BCCIP: variants seen among roughly 807,000 people sequenced by gnomAD.
BCCIP encodes the protein BRCA2 and CDKN1A-interacting protein.
Under a neutral mutation model 32.8 loss-of-function variants are expected in BCCIP, and 23 were observed. The observed-to-expected ratio is 0.70, with a 90% CI of 0.51 to 0.99. The LOEUF is 0.99. Among genes scored for constraint, BCCIP ranks in the 50% least tolerant of loss-of-function variants. The pLI is 0.00. For synonymous variants in BCCIP, 144 were observed against 137.6 expected (o/e 1.05, Z -0.33); for missense variants, 378 against 379.8 (o/e 1.00, Z 0.04).
chr10:125,851,826 TGGGA>T (rs1321702799), intron 7 of BCCIP, among the ~76,000 whole-genome samples: 1 of 145,518 alleles, frequency 6.9e-6, no homozygotes, highest in Non-Finnish European at 1.5e-5. Flanking sequence ...GAAGCTGTGG[TGGGA>T]GGATCACTTG....
downstream of BCCIP, chr10:125,838,343 T>C (rs1854765937): frequency 6.2e-7 from 1 of 1,612,236 alleles, no homozygotes; most frequent in African/African-American, 1.3e-5. Context: ...CCTGCTTATG[T>C]GTCAGCATTA....
intron 3 of BCCIP, among the ~76,000 whole-genome samples, chr10:125,828,911 C>T (rs994544129): frequency 2.0e-5 from 3 of 152,178 alleles, no homozygotes; most frequent in African/African-American, 7.2e-5. Context: ...GGGAGCTTAG[C>T]TGGGACTCTG....
chr10:125,848,434 T>G (rs1022417649), intron 7 of BCCIP, among the ~76,000 whole-genome samples: 7 of 152,166 alleles, frequency 4.6e-5, no homozygotes, highest in African/African-American at 1.4e-4. Flanking sequence ...ATTTTACAGA[T>G]GAGAAAAAGA....
In BCCIP at chr10:125,836,230, A is replaced by T; in HGVS notation, c.901A>T (p.Met301Leu). ...RTVMLIPGDKMNEIMDKLKEY... is the reference protein window; with the variant it reads ...RTVMLIPGDKLNEIMDKLKEY... ...TGTGATGTTAATTCCAGGCGACAAGATGAACGAAATCATGGATAAACTGAA... is the reference window on the plus strand; with the variant it reads ...TGTGATGTTAATTCCAGGCGACAAGTTGAACGAAATCATGGATAAACTGAA... The change falls in exon 7 of 7, where the codon ATG (methionine) becomes TTG (leucine). Residue 301 changes from methionine to leucine, a missense_variant. Coordinates refer to ENST00000278100, the MANE Select transcript of BCCIP (RefSeq NM_078468.3). The T allele has an allele frequency of 1.2e-6, 2 of 1,614,200 alleles. No homozygotes were observed. Among genetic ancestry groups the T allele is most frequent in the African/African-American group, 2.7e-5 (2 of 75,056 alleles).
At chr10:125,839,456 G>C (rs1854807605), downstream of BCCIP, among the ~76,000 whole-genome samples, 1 of 151,896 alleles carries the variant, frequency 6.6e-6, no homozygotes, top group Admixed American at 6.6e-5. Flanking sequence ...TGTGGAAACT[G>C]TTCCTAGTGG....
At chr10:125,838,698 T>C (rs1439941040), downstream of BCCIP, among the ~76,000 whole-genome samples, 2 of 152,110 alleles carry the variant, frequency 1.3e-5, no homozygotes, top group Non-Finnish European at 2.9e-5. Context: ...CGACATACAC[T>C]CCAATGCCAA....
At chr10:125,827,459 A>C in intron 2 of BCCIP, 99 bp from the exon 3 acceptor site, 2 of 800,148 alleles carry the variant, frequency 2.5e-6, no homozygotes, top group Non-Finnish European at 3.9e-6. Flanking sequence ...CATCATCTTA[A>C]GTCACAGAAA....
At chr10:125,827,992 A>C in intron 3 of BCCIP, among the ~76,000 whole-genome samples, 1 of 136,848 alleles carries the variant, frequency 7.3e-6, no homozygotes, top group South Asian at 2.5e-4. Context: ...AAAAAAAAAA[A>C]GTTCTTTATT....
intron 3 of BCCIP, among the ~76,000 whole-genome samples, chr10:125,829,454 A>G (rs1281699861): frequency 6.6e-6 from 1 of 152,204 alleles, no homozygotes; most frequent in Non-Finnish European, 1.5e-5. Context: ...CAGAGCCAAA[A>G]TTCTTGAAAA....
In BCCIP at chr10:125,833,792, A is replaced by C; in HGVS notation, c.620A>C (p.His207Pro). Reference sequence around the variant, plus strand: ...TGCAGGAAAGAACTGGCGGGGGCACACAGAACCAATAAGCCATGTGGGAAG... The same window carrying C: ...TGCAGGAAAGAACTGGCGGGGGCACCCAGAACCAATAAGCCATGTGGGAAG... The part of the protein sequence containing the change: ...QQLQKELAGA[H>P]RTNKPCGKCY... Residue 207 changes from histidine (H) to proline (P), a missense_variant, in exon 6 of 7, where the codon CAC (histidine) becomes CCC (proline). Transcript: ENST00000278100. The C allele has an allele frequency of 6.2e-7, 1 of 1,614,172 alleles. No homozygotes were observed. Among genetic ancestry groups the C allele is most frequent in the African/African-American group, 1.3e-5 (1 of 75,022 alleles).
chr10:125,824,090 C>G (rs918471793), intron 1 of BCCIP, among the ~76,000 whole-genome samples: 10 of 152,246 alleles, frequency 6.6e-5, no homozygotes, highest in African/African-American at 2.4e-4. Context: ...CTCCTCTTCA[C>G]TCTGCGGGCG....
At chr10:125,843,654 T>A (rs1854940284), downstream of BCCIP, among the ~76,000 whole-genome samples, 1 of 151,912 alleles carries the variant, frequency 6.6e-6, no homozygotes, top group Non-Finnish European at 1.5e-5. Flanking sequence ...TTGATAAAAT[T>A]CCTCCATTCC....
intron 6 of BCCIP, among the ~76,000 whole-genome samples, chr10:125,835,578 CA>C (rs5788716): frequency 0.96 from 139,097 of 144,778 alleles, 66,782 homozygotes; most frequent in Middle Eastern, 0.99. Flanking sequence ...GACTCTGTCT[CA>C]AAAAAAAAAA....
At chr10:125,827,967 G>GAAAAA (rs11296499) in intron 3 of BCCIP, among the ~76,000 whole-genome samples, 2 of 62,306 alleles carry the variant, frequency 3.2e-5, no homozygotes, top group African/African-American at 6.0e-5. Flanking sequence ...CCCTATATCT[G>GAAAAA]AAAAAAAAAA....
intron 7 of BCCIP, among the ~76,000 whole-genome samples, chr10:125,852,858 G>C (rs1274024655): frequency 6.6e-6 from 1 of 152,198 alleles, no homozygotes. Context: ...TGCTTTCATT[G>C]TGGCTTCAAT....
chr10:125,834,939 T>C (rs1357651074), intron 6 of BCCIP, among the ~76,000 whole-genome samples: 2 of 150,876 alleles, frequency 1.3e-5, no homozygotes, highest in African/African-American at 4.9e-5. Flanking sequence ...GAGACCATCC[T>C]GGCTAACATG....
At chr10:125,826,776 G>A in intron 2 of BCCIP, 111 bp downstream of exon 2, 2 of 1,472,372 alleles carry the variant, frequency 1.4e-6, no homozygotes, top group Non-Finnish European at 1.8e-6. Flanking sequence ...GAGGTGAGAG[G>A]ATTGCTTGAG....
At chr10:125,840,396 G>T (rs939513516), downstream of BCCIP, among the ~76,000 whole-genome samples, 1 of 152,208 alleles carries the variant, frequency 6.6e-6, no homozygotes, top group South Asian at 2.1e-4. Context: ...CAGCACCCCA[G>T]CCTACCTATT....
Position 125,842,025 on chromosome 10 carries a change from C to G in BCCIP, c.*666C>G, listed in dbSNP as rs1854895933. On this transcript the variant is annotated 3_prime_UTR_variant, in exon 7 of 7. Coordinates refer to the BCCIP transcript ENST00000299130. ...ACTTTTCCCTCCTGCATGAAACAAG[C>G]AAACAATGGACAAAATATGTGAAAC... is the stretch of plus-strand genomic sequence containing the variant. The G allele has an allele frequency of 2.9e-6, 4 of 1,385,658 alleles. No individual in the cohort carries two copies. In the East Asian group the frequency reaches 8.0e-5, roughly 28 times the overall value. The allele number at this position is 1,385,658 out of a possible 1,614,324, so 85.8% of individuals were successfully genotyped here.
Sources: allele counts gnomAD v4.1 joint callset (sites outside exome capture counted in the v4.1 genomes callset), GRCh38; gene constraint gnomAD v4.1.1; transcripts MANE v1.5; gene names NCBI Gene and HGNC (gene_info 2026-07-23, HGNC 2026-07-21).